Variants in SPAG16 observed in about 807,000 individuals in gnomAD.
SPAG16 encodes sperm associated antigen 16, also known as sperm-associated antigen 16 protein.
A neutral mutation model predicts 80.4 loss-of-function variants in SPAG16; 86 were observed. That is an observed-to-expected ratio of 1.07 (90% CI 0.90 to 1.28). The LOEUF is 1.28. SPAG16 is among the 50% of genes most tolerant of loss of function. SPAG16 has a pLI of 0.00. For synonymous variants in SPAG16, 294 were observed against 265.9 expected, an observed-to-expected ratio of 1.11 and a Z score of -1.03; for missense variants, 870 against 765.3, an observed-to-expected ratio of 1.14 and a Z score of -1.61.
chr2:213,452,358 C>G (rs2071750213), intron 9 of SPAG16, among the ~76,000 whole-genome samples: 1 of 152,178 alleles, frequency 6.6e-6, no homozygotes, highest in African/African-American at 2.4e-5. Context: ...TCCTGTTAGG[C>G]AAACCAGAAA....
At chr2:213,543,095 A>C (rs183520840) in intron 10 of SPAG16, among the ~76,000 whole-genome samples, 2 of 152,190 alleles carry the variant, frequency 1.3e-5, no homozygotes, top group Admixed American at 6.5e-5. Flanking sequence ...AGTATTAAGA[A>C]CAATTTTATG....
intron 10 of SPAG16, among the ~76,000 whole-genome samples, chr2:213,841,915 A>C (rs896866294): frequency 1.3e-5 from 2 of 152,100 alleles, no homozygotes; most frequent in African/African-American, 4.8e-5. Context: ...AATTGTAAGA[A>C]GCAGAATATT....
intron 10 of SPAG16, among the ~76,000 whole-genome samples, chr2:213,542,003 A>G (rs1266550460): frequency 1.3e-5 from 2 of 152,172 alleles, no homozygotes; most frequent in East Asian, 3.9e-4. Context: ...AGTTAGTTTA[A>G]TCCAGCAAAA....
intron 15 of SPAG16, among the ~76,000 whole-genome samples, chr2:214,277,680 T>C (rs1186259701): frequency 6.6e-6 from 1 of 152,190 alleles, no homozygotes; most frequent in Admixed American, 6.5e-5. Context: ...TTCTGGAAGC[T>C]TCATCCCAGA....
At position 214,271,835 on chromosome 2, in the gene SPAG16, G is replaced by A. The variant is rs1432358931; in HGVS notation, c.1720+122569G>A. ...TAAATAAATTAAAAAAAGAGAAACT[G>A]TGGGAAACCCCCCCCCCAAAAAAAA... On this transcript the variant is annotated intron_variant, in intron 15 of 15. Transcript: ENST00000331683. Among the ~76,000 whole-genome samples, 7 of 138,310 alleles carry A rather than the reference G, an allele frequency of 5.1e-5. No individual in the cohort carries two copies. The East Asian group carries it at 1.5e-3, about 30-fold the overall frequency. 90.7% of individuals were successfully genotyped at this position (138,310 alleles called of 152,430 possible).
intron 10 of SPAG16, among the ~76,000 whole-genome samples, chr2:213,807,292 G>T (rs1220145116): frequency 6.6e-6 from 1 of 151,426 alleles, no homozygotes; most frequent in Admixed American, 6.6e-5. Flanking sequence ...TCTTGTCCTC[G>T]ACTCCACCTG....
chr2:213,635,081 G>T (rs1281254773), intron 10 of SPAG16, among the ~76,000 whole-genome samples: 1 of 150,866 alleles, frequency 6.6e-6, no homozygotes, highest in Non-Finnish European at 1.5e-5. Flanking sequence ...TGTTGCCCAG[G>T]CTGGGGTGCA....
intron 10 of SPAG16, among the ~76,000 whole-genome samples, chr2:213,847,575 C>T (rs1289313081): frequency 6.6e-6 from 1 of 152,128 alleles, no homozygotes; most frequent in Non-Finnish European, 1.5e-5. Context: ...TCCTGATGGA[C>T]CTAGCTCCGT....
At chr2:213,732,325 C>T (rs924764322) in intron 10 of SPAG16, among the ~76,000 whole-genome samples, 4 of 103,626 alleles carry the variant, frequency 3.9e-5, no homozygotes, top group South Asian at 3.3e-4. Context: ...CTCCCATTCA[C>T]GATTGCCCCC....
At chr2:213,772,186 T>A (rs1270725693) in intron 10 of SPAG16, among the ~76,000 whole-genome samples, 2 of 152,170 alleles carry the variant, frequency 1.3e-5, no homozygotes, top group African/African-American at 4.8e-5. Flanking sequence ...TCCTAGGTAT[T>A]TTATTCTCTT....
At chr2:213,629,418 G>C (rs538451439) in intron 10 of SPAG16, among the ~76,000 whole-genome samples, 8 of 152,138 alleles carry the variant, frequency 5.3e-5, no homozygotes, top group Non-Finnish European at 1.2e-4. Flanking sequence ...TATATATTCC[G>C]TCAGTCTCTT....
At chr2:213,441,100 A>G (rs2070924325) in intron 9 of SPAG16, among the ~76,000 whole-genome samples, 3 of 152,218 alleles carry the variant, frequency 2.0e-5, no homozygotes, top group Non-Finnish European at 2.9e-5. Flanking sequence ...GGAAATATGC[A>G]TACATTATAA....
rs773004380 is a variant in SPAG16, at chr2:213,296,066, G to T, written c.139G>T (p.Val47Phe). 6.2e-7 allele frequency: 1 copy of T among 1,609,112 alleles called. No homozygotes were observed. Among genetic ancestry groups the T allele is most frequent in the Non-Finnish European group, 8.5e-7 (1 of 1,176,412 alleles). Residue 47 changes from valine (V) to phenylalanine (F), a missense_variant and splice_region_variant, in exon 2 of 16, where the codon GTC (valine) becomes TTC (phenylalanine). Val to Phe is a conservative substitution (Grantham distance 50). Coordinates refer to ENST00000331683, the MANE Select transcript of SPAG16 (RefSeq NM_024532.5). ...TTAAAACTTGACAAGATATTCAGAG[G>T]TCACCATAACTGAAGCATCTGAAGA... ...AAEGAYYLEQ[V>F]TITEASEDDY... is the part of the protein sequence containing the mutation.
intron 12 of SPAG16, among the ~76,000 whole-genome samples, chr2:213,998,533 G>A (rs1259361938): frequency 2.6e-5 from 4 of 152,064 alleles, no homozygotes; most frequent in African/African-American, 9.7e-5. Context: ...TCCCATTCTT[G>A]GGTATGTCTT....
chr2:214,250,294 CAAAG>C lies in SPAG16; in HGVS notation c.1720+101033_1720+101036del, dbSNP rs1216170486. The C allele has an allele frequency of 3.3e-5, 5 of 151,986 alleles. No individual in the cohort carries two copies. The South Asian group carries it at 8.3e-4, about 25-fold the overall frequency. 9.4% of individuals were successfully genotyped at this position (151,986 alleles called of 1,614,324 possible). On this transcript the variant is annotated intron_variant, in intron 15 of 15. Coordinates refer to ENST00000331683, the MANE Select transcript of SPAG16 (RefSeq NM_024532.5). ...ACATATGTTTCTGAAAAATAAATCT[CAAAG>C]AAAGTTAAAAGTAACTAAATCTCTT...
At chr2:214,049,578 T>A (rs1386761213) in intron 13 of SPAG16, among the ~76,000 whole-genome samples, 2 of 152,250 alleles carry the variant, frequency 1.3e-5, no homozygotes, top group East Asian at 3.8e-4. Context: ...TCAAAATACA[T>A]GTTTTTAAAT....
At chr2:214,388,917 A>G (rs1700909996) in intron 15 of SPAG16, among the ~76,000 whole-genome samples, 1 of 152,194 alleles carries the variant, frequency 6.6e-6, no homozygotes, top group Non-Finnish European at 1.5e-5. Flanking sequence ...GGCCTCTCAT[A>G]AACACAAGCC....
intron 7 of SPAG16, among the ~76,000 whole-genome samples, chr2:213,358,902 A>G (rs1317955237): frequency 1.3e-5 from 2 of 151,978 alleles, no homozygotes; most frequent in Admixed American, 1.3e-4. Flanking sequence ...GGTTTTATCT[A>G]CCTTTGGTGT....
At chr2:213,760,228 A>G (rs12471540) in intron 10 of SPAG16, among the ~76,000 whole-genome samples, 68,889 of 151,902 alleles carry the variant, frequency 0.45, 16,967 homozygotes, top group Non-Finnish European at 0.55. Flanking sequence ...AGGTAGAGGG[A>G]CAGAAAAAGA....
Sources: allele counts gnomAD v4.1 joint callset (sites outside exome capture counted in the v4.1 genomes callset), GRCh38; gene constraint gnomAD v4.1.1; transcripts MANE v1.5; gene names NCBI Gene and HGNC (gene_info 2026-07-23, HGNC 2026-07-21).